The following WDFY4 variants were observed in gnomAD, a reference collection of about 807,000 sequenced individuals.
The protein encoded by WDFY4 is WDFY family member 4, also known as WD repeat- and FYVE domain-containing protein 4.
A neutral mutation model predicts 351.9 loss-of-function variants in WDFY4; 169 were observed. The ratio of observed to expected loss-of-function variants is 0.48; its 90% CI spans 0.42 to 0.55. The LOEUF (loss-of-function observed/expected upper bound fraction) is 0.55, where lower values mean the gene tolerates loss of function less well. Among genes scored for constraint, WDFY4 ranks in the 20% least tolerant of loss-of-function variants. The pLI, the probability that WDFY4 is intolerant of heterozygous loss-of-function variation, is 0.00. For missense variants in WDFY4, 3,803 were observed against 3,935.6 expected, an observed-to-expected ratio of 0.97 and a Z score of 0.90; for synonymous variants, 1,622 against 1,574.6, an observed-to-expected ratio of 1.03 and a Z score of -0.71.
chr10:48,803,729 G>A (rs1321717854), intron 25 of WDFY4, among the ~76,000 whole-genome samples: 1 of 152,218 alleles, frequency 6.6e-6, no homozygotes, highest in Admixed American at 6.5e-5. Context: ...CTTAAGGGAT[G>A]TAAAAGAGAA....
chr10:48,846,886 G>A (rs2133151305), intron 39 of WDFY4, among the ~76,000 whole-genome samples: 1 of 152,312 alleles, frequency 6.6e-6, no homozygotes, highest in South Asian at 2.1e-4. Flanking sequence ...TGACCAGGGT[G>A]ACCTTTTTGC....
intron 1 of WDFY4, among the ~76,000 whole-genome samples, chr10:48,686,315 CA>C (rs371080036): frequency 3.4e-3 from 332 of 99,092 alleles, no homozygotes; most frequent in Middle Eastern, 0.016. Context: ...ACTCCATCTC[CA>C]AAAAAAAAAA....
At chr10:48,832,086 T>C (rs966327594) in intron 38 of WDFY4, among the ~76,000 whole-genome samples, 2 of 152,208 alleles carry the variant, frequency 1.3e-5, no homozygotes, top group African/African-American at 4.8e-5. Context: ...CAGAGAAAAG[T>C]AAAATAGGAT....
chr10:48,725,858 C>T, intron 5 of WDFY4, 23 bp from the exon 6 acceptor site: 3 of 1,528,798 alleles, frequency 2.0e-6, no homozygotes, highest in Non-Finnish European at 2.7e-6. Flanking sequence ...GTCTCCTTGA[C>T]TGTTTATCTT....
chr10:48,908,834 C>A (rs1222809531), intron 47 of WDFY4, among the ~76,000 whole-genome samples: 2 of 152,110 alleles, frequency 1.3e-5, no homozygotes, highest in East Asian at 3.8e-4. Flanking sequence ...TTTGAGTAAC[C>A]ACCACCACAA....
At chr10:48,939,596 G>A (rs972839605) in intron 47 of WDFY4, among the ~76,000 whole-genome samples, 1 of 152,230 alleles carries the variant, frequency 6.6e-6, no homozygotes, top group Admixed American at 6.5e-5. Context: ...AATGATGGAT[G>A]ATGGATGATG....
At chr10:48,900,367 G>T in intron 46 of WDFY4, 61 bp downstream of exon 46, 1 of 1,430,432 alleles carries the variant, frequency 7.0e-7, no homozygotes, top group South Asian at 1.3e-5. Context: ...CAGAGGGGCA[G>T]AGAACACTCA....
chr10:48,716,406 G>A (rs2063911848), intron 2 of WDFY4, among the ~76,000 whole-genome samples: 2 of 152,150 alleles, frequency 1.3e-5, no homozygotes, highest in Admixed American at 1.3e-4. Context: ...AGGCACGATG[G>A]TGCAGCTTAG....
Position 48,778,675 on chromosome 10 carries a change from G to A in WDFY4, c.3240G>A (p.Arg1080=), listed in dbSNP as rs542465619. Residue 1080 remains arginine (R), a synonymous_variant, in exon 18 of 62, where the codon CGG becomes CGA. Coordinates refer to ENST00000325239, the MANE Select transcript of WDFY4 (RefSeq NM_001394531.1). ...TCTCCTGCTGGTTCCTGATCAGCCG[G>A]CATGGAGCTGCCACTGAGGGCCACC... The part of the protein sequence containing the change: ...LTFSCWFLIS[R]HGAATEGHPL... The A allele has an allele frequency of 1.9e-6, 3 of 1,551,574 alleles. No individual in the cohort carries two copies. Among genetic ancestry groups the A allele is most frequent in the South Asian group, 1.2e-5 (1 of 84,058 alleles).
chr10:48,704,084 G>C (rs778524682), intron 1 of WDFY4, among the ~76,000 whole-genome samples: 6 of 152,126 alleles, frequency 3.9e-5, no homozygotes, highest in Non-Finnish European at 8.8e-5. Flanking sequence ...CAGACTCTGG[G>C]CTCCTGTGGG....
At chr10:48,778,859 T>G in intron 18 of WDFY4, 27 bp downstream of exon 18, 1 of 1,544,984 alleles carries the variant, frequency 6.5e-7, no homozygotes, top group Non-Finnish European at 8.7e-7. Flanking sequence ...CAAAGCCAGT[T>G]TCATCCACAT....
At chr10:48,692,089 A>G (rs1340985361) in intron 1 of WDFY4, among the ~76,000 whole-genome samples, 1 of 152,258 alleles carries the variant, frequency 6.6e-6, no homozygotes, top group Non-Finnish European at 1.5e-5. Context: ...TAAGCCAACC[A>G]GGAACCAAGC....
At chr10:48,710,619 T>C (rs2132211453) in intron 2 of WDFY4, among the ~76,000 whole-genome samples, 1 of 152,322 alleles carries the variant, frequency 6.6e-6, no homozygotes, top group Admixed American at 6.5e-5. Context: ...AGATGGTATG[T>C]CCTGACACAA....
intron 40 of WDFY4, 87 bp downstream of exon 40, chr10:48,867,429 C>A: frequency 4.8e-6 from 4 of 828,362 alleles, no homozygotes; most frequent in Non-Finnish European, 6.8e-6. Context: ...CTTTGGTTTA[C>A]GTTCTGGATT....
chr10:48,687,628 T>C (rs1690002093), intron 1 of WDFY4, among the ~76,000 whole-genome samples: 1 of 147,956 alleles, frequency 6.8e-6, no homozygotes. Context: ...TTTTTTTTTT[T>C]TTTTGAGATG....
intron 39 of WDFY4, among the ~76,000 whole-genome samples, chr10:48,847,417 C>A (rs139513709): frequency 1.7e-4 from 26 of 152,280 alleles, no homozygotes; most frequent in African/African-American, 6.0e-4. Flanking sequence ...CAGTGCCTCA[C>A]GTCTCAATAC....
chr10:48,795,691 C>A lies in WDFY4; in HGVS notation c.4258-607C>A, dbSNP rs184208638. Among the ~76,000 whole-genome samples, 398 of 151,938 alleles carry A rather than the reference C, an allele frequency of 2.6e-3. 3 individuals carry two copies. The highest frequency in any genetic ancestry group is 8.6e-3 in the African/African-American group (354 of 41,390). On this transcript the variant is annotated intron_variant, in intron 23 of 61. Coordinates refer to ENST00000325239, the MANE Select transcript of WDFY4 (RefSeq NM_001394531.1). ...GGAATGGAGCCATGGATGGAAGGAGCTGAGACTCCAGATTAGGTCGCTCAA... is the reference window on the plus strand; with the variant it reads ...GGAATGGAGCCATGGATGGAAGGAGATGAGACTCCAGATTAGGTCGCTCAA...
At chr10:48,926,569 A>G (rs1839589023) in intron 47 of WDFY4, among the ~76,000 whole-genome samples, 1 of 152,234 alleles carries the variant, frequency 6.6e-6, no homozygotes, top group African/African-American at 2.4e-5. Flanking sequence ...ACCACAGGCA[A>G]ATAAGGTCCC....
chr10:48,815,830 T>C (rs2067601426), intron 31 of WDFY4, among the ~76,000 whole-genome samples: 1 of 152,168 alleles, frequency 6.6e-6, no homozygotes, highest in Non-Finnish European at 1.5e-5. Context: ...TCTGTCCTTA[T>C]TCTGTTTGTA....
Sources: allele counts gnomAD v4.1 joint callset (sites outside exome capture counted in the v4.1 genomes callset), GRCh38; gene constraint gnomAD v4.1.1; transcripts MANE v1.5; gene names NCBI Gene and HGNC (gene_info 2026-07-23, HGNC 2026-07-21).